Variants in ANKRD17 observed in about 807,000 individuals in gnomAD.
The protein encoded by ANKRD17 is ankyrin repeat domain 17.
Under a neutral mutation model 229.7 loss-of-function variants are expected in ANKRD17, and 19 were observed. That is an observed-to-expected ratio of 0.08 (90% CI 0.06 to 0.12). The LOEUF (loss-of-function observed/expected upper bound fraction) is 0.12, where lower values mean the gene tolerates loss of function less well. ANKRD17 is among the 10% of genes least tolerant of loss of function. The probability of loss-of-function intolerance (pLI) is 1.00; values close to 1 mark genes in which losing one functional copy is unlikely to be tolerated. For synonymous variants in ANKRD17, 1,112 were observed against 1,146.1 expected (o/e 0.97, Z 0.60); for missense variants, 2,176 against 3,176.8 (o/e 0.68, Z 7.57).
intron 4 of ANKRD17, 91 bp from the exon 5 acceptor site, chr4:73,155,869 G>A (rs894282335): frequency 6.7e-7 from 1 of 1,497,404 alleles, no homozygotes; most frequent in South Asian, 1.3e-5. Flanking sequence ...CCTAGTCATA[G>A]TAAAAGAGCT....
At chr4:73,111,629 T>C (rs1725330908) in intron 24 of ANKRD17, among the ~76,000 whole-genome samples, 1 of 152,178 alleles carries the variant, frequency 6.6e-6, no homozygotes, top group Non-Finnish European at 1.5e-5. Flanking sequence ...TATAAGGGTG[T>C]TTATTACAAT....
rs144065505 is a variant in ANKRD17 at position 73,091,691 on chromosome 4, C to T, written c.5937G>A (p.Thr1979=). Residue 1979 remains threonine, a synonymous_variant, in exon 29 of 34, where the codon ACG becomes ACA. Coordinates refer to ENST00000358602, the MANE Select transcript of ANKRD17 (RefSeq NM_032217.5). ...TGCCATTTGTAGATGTACCAGGCAC[C>T]GTTGAAGCTGATGAACTGGTTGTAG... ...PTTTTSSSAS[T]VPGTSTNGSP... The T allele has an allele frequency of 3.1e-6, 5 of 1,614,088 alleles. No homozygotes were observed. The highest frequency in any genetic ancestry group is 1.7e-5 in the Admixed American group (1 of 60,008).
intron 3 of ANKRD17, among the ~76,000 whole-genome samples, chr4:73,159,213 A>T (rs1273184471): frequency 6.6e-6 from 1 of 152,188 alleles, no homozygotes; most frequent in Non-Finnish European, 1.5e-5. Context: ...CCCTAGACTC[A>T]ATGCTATCAT....
intron 1 of ANKRD17, among the ~76,000 whole-genome samples, chr4:73,233,477 T>C (rs1257680845): frequency 2.0e-5 from 3 of 152,200 alleles, no homozygotes; most frequent in African/African-American, 7.2e-5. Context: ...AAATTTAATT[T>C]TATGTTGTTT....
intron 8 of ANKRD17, among the ~76,000 whole-genome samples, 168 bp downstream of exon 8, chr4:73,148,645 T>A (rs1053811952): frequency 1.3e-5 from 2 of 152,204 alleles, no homozygotes; most frequent in African/African-American, 4.8e-5. Context: ...TTTGATTTTG[T>A]TTTAACACAG....
intron 21 of ANKRD17, 36 bp downstream of exon 21, chr4:73,120,126 T>C (rs1726528064): frequency 1.3e-6 from 2 of 1,587,918 alleles, no homozygotes; most frequent in African/African-American, 1.3e-5. Context: ...CTAGTAACAC[T>C]TGTGTTCATA....
intron 26 of ANKRD17, among the ~76,000 whole-genome samples, chr4:73,097,771 G>A (rs1404457655): frequency 6.6e-6 from 1 of 151,730 alleles, no homozygotes; most frequent in Non-Finnish European, 1.5e-5. Flanking sequence ...TACTATCTAG[G>A]GTACACATTT....
intron 2 of ANKRD17, among the ~76,000 whole-genome samples, chr4:73,168,586 T>A (rs1733549145): frequency 6.6e-6 from 1 of 152,168 alleles, no homozygotes; most frequent in Non-Finnish European, 1.5e-5. Context: ...AAATTATATA[T>A]TGTCAATTCT....
intron 2 of ANKRD17, among the ~76,000 whole-genome samples, chr4:73,163,204 G>A (rs371251348): frequency 2.0e-5 from 3 of 152,130 alleles, no homozygotes; most frequent in South Asian, 2.1e-4. Context: ...TCTACATCTG[G>A]GGATCCAATT....
chr4:73,095,512 G>A (rs1199372184), intron 27 of ANKRD17, among the ~76,000 whole-genome samples: 1 of 147,010 alleles, frequency 6.8e-6, no homozygotes, highest in Non-Finnish European at 1.5e-5. Context: ...AGAGGCAGGA[G>A]AATCACTTCA....
intron 29 of ANKRD17, among the ~76,000 whole-genome samples, chr4:73,087,801 G>A (rs1322354445): frequency 6.6e-6 from 1 of 152,120 alleles, no homozygotes; most frequent in East Asian, 1.9e-4. Flanking sequence ...TATCATGTTT[G>A]AAAGTTATCT....
At position 73,237,805 on chromosome 4, in the gene ANKRD17, T is replaced by C. The variant is rs1451477306; in HGVS notation, c.393+20471A>G. Among the ~76,000 whole-genome samples the C allele has an allele frequency of 2.0e-5, 3 of 152,182 alleles. No homozygotes were observed. The South Asian group carries it at 6.2e-4, about 32-fold the overall frequency. Reference sequence around the variant, plus strand: ...CCCATAACCCTTATCTCTCCCTCTTTATTAACAGTATGATAAAGTACTACA... The same window carrying C: ...CCCATAACCCTTATCTCTCCCTCTTCATTAACAGTATGATAAAGTACTACA... On this transcript the variant is annotated intron_variant, in intron 1 of 33. Transcript: ENST00000358602.
intron 20 of ANKRD17, among the ~76,000 whole-genome samples, 190 bp downstream of exon 20, chr4:73,120,691 A>C (rs1314364046): frequency 6.6e-6 from 1 of 152,056 alleles, no homozygotes; most frequent in East Asian, 1.9e-4. Context: ...TGTTGCCTAT[A>C]AAAATTTATC....
chr4:73,077,053 T>G lies in ANKRD17; in HGVS notation c.7639A>C (p.Ile2547Leu). ...ATGGGTCCTCCAGCACCATCAGGGA[T>G]AGGTGCTACTGGAGGAATCATTGCA... ...GNAMIPPVAP[I>L]PDGAGGPIFN... The change falls in exon 33 of 34, where the codon ATC becomes CTC. Residue 2547 changes from isoleucine (I) to leucine (L), a missense_variant. Around this residue, in one of 18 missense-constraint regions of ANKRD17, gnomAD observed 159 missense variants for 214.3 expected, o/e 0.74. Transcript: ENST00000358602. The G allele has an allele frequency of 1.9e-6, 3 of 1,613,040 alleles. No individual in the cohort carries two copies. The highest frequency in any genetic ancestry group is 2.5e-6 in the Non-Finnish European group (3 of 1,179,570).
intron 15 of ANKRD17, among the ~76,000 whole-genome samples, chr4:73,137,503 TAAG>T (rs1238450739): frequency 1.3e-5 from 2 of 152,136 alleles, no homozygotes; most frequent in Non-Finnish European, 2.9e-5. Context: ...TTTAAACCCC[TAAG>T]AAAGAAGTGG....
chr4:73,170,364 C>G (rs1243592464), intron 2 of ANKRD17, among the ~76,000 whole-genome samples: 1 of 152,086 alleles, frequency 6.6e-6, no homozygotes, highest in African/African-American at 2.4e-5. Context: ...GAACCCACCC[C>G]TGGAAGGATC....
chr4:73,250,141 A>G (rs773032844), intron 1 of ANKRD17, among the ~76,000 whole-genome samples: 2 of 152,194 alleles, frequency 1.3e-5, no homozygotes, highest in African/African-American at 2.4e-5. Context: ...TTACCAAAAA[A>G]GCATGCTGTA....
chr4:73,145,680 GAA>G (rs1450607729), intron 10 of ANKRD17, among the ~76,000 whole-genome samples: 1 of 152,008 alleles, frequency 6.6e-6, no homozygotes, highest in Non-Finnish European at 1.5e-5. Flanking sequence ...CAAACACTAG[GAA>G]TACAGTTCTT....
chr4:73,085,554 T>C, intron 29 of ANKRD17, 108 bp from the exon 30 acceptor site: 1 of 1,018,532 alleles, frequency 9.8e-7, no homozygotes, highest in South Asian at 1.6e-5. Flanking sequence ...TTTTAGATAA[T>C]TAAAAAAATC....
Sources: gnomAD v4.1 joint callset for allele counts (sites outside exome capture counted in the v4.1 genomes callset) on GRCh38, gnomAD v4.1.1 for gene constraint, gnomAD v4.1.1 regional missense constraint, MANE v1.5 for transcripts, NCBI Gene and HGNC (gene_info 2026-07-23, HGNC 2026-07-21) for gene names.